Variants in CREG2 observed in about 807,000 individuals in gnomAD.
The protein encoded by CREG2 is protein CREG2.
A neutral mutation model predicts 26.2 loss-of-function variants in CREG2; 24 were observed. That is an observed-to-expected ratio of 0.92 (90% CI 0.66 to 1.29). The LOEUF (loss-of-function observed/expected upper bound fraction) is 1.29, where lower values mean the gene tolerates loss of function less well. CREG2 is among the 50% of genes most tolerant of loss of function. The pLI, the probability that CREG2 is intolerant of heterozygous loss-of-function variation, is 0.00. For missense variants in CREG2, 366 were observed against 398.6 expected, an observed-to-expected ratio of 0.92 and a Z score of 0.70; for synonymous variants, 174 against 169.2, an observed-to-expected ratio of 1.03 and a Z score of -0.22.
At chr2:101,355,137 G>A (rs966592667) in intron 3 of CREG2, 116 bp downstream of exon 3, 6 of 686,804 alleles carry the variant, frequency 8.7e-6, no homozygotes, top group Non-Finnish European at 1.3e-5. Flanking sequence ...TATTCCCACC[G>A]AAGGGCAGTG....
chr2:101,374,996 C>T (rs1298562066), intron 2 of CREG2, among the ~76,000 whole-genome samples: 2 of 152,194 alleles, frequency 1.3e-5, no homozygotes, highest in Non-Finnish European at 2.9e-5. Flanking sequence ...CCTGCTGACA[C>T]CCTCCCCTCA....
At chr2:101,362,398 C>T (rs982440175) in intron 2 of CREG2, among the ~76,000 whole-genome samples, 1 of 152,210 alleles carries the variant, frequency 6.6e-6, no homozygotes, top group Non-Finnish European at 1.5e-5. Flanking sequence ...TTAAATTTCA[C>T]AATTCTTTAA....
intron 2 of CREG2, among the ~76,000 whole-genome samples, chr2:101,357,919 G>T (rs912714677): frequency 6.7e-6 from 1 of 149,222 alleles, no homozygotes; most frequent in African/African-American, 2.5e-5. Flanking sequence ...GGAGCTTGCA[G>T]TGAGCCACGA....
intron 2 of CREG2, among the ~76,000 whole-genome samples, chr2:101,369,956 G>T (rs1207227584): frequency 6.6e-6 from 1 of 152,190 alleles, no homozygotes; most frequent in Non-Finnish European, 1.5e-5. Context: ...CTGCATCAGT[G>T]CTTTCTGAAA....
In CREG2 at chr2:101,387,192, G is replaced by C; in HGVS notation, c.266C>G (p.Ala89Gly). 1 of 1,354,566 alleles carries C rather than the reference G, an allele frequency of 7.4e-7. No individual in the cohort carries two copies. The highest frequency in any genetic ancestry group is 1.8e-5 in the South Asian group (1 of 54,510). The allele number at this position is 1,354,566 out of a possible 1,614,324, so 83.9% of individuals were successfully genotyped here. The change falls in exon 1 of 4, where the codon GCG (alanine) becomes GGG (glycine). Residue 89 changes from alanine to glycine, a missense_variant. Coordinates refer to ENST00000324768, the MANE Select transcript of CREG2 (RefSeq NM_153836.4). The surrounding 1 kb of genome is among the most constrained non-coding windows in gnomAD (Gnocchi z 4.7). The part of the protein sequence containing the change: ...HKEDAHLRPR[A>G]GAARARPPPA... The stretch of plus-strand genomic sequence containing the variant: ...GGGCGGCCTGGCCCGGGCGGCGCCC[G>C]CCCGGGGCCGCAGGTGCGCGTCCTC...
intron 2 of CREG2, among the ~76,000 whole-genome samples, chr2:101,363,266 G>A (rs1010670051): frequency 3.9e-5 from 6 of 152,098 alleles, no homozygotes; most frequent in Admixed American, 6.5e-5. Context: ...TGTATGCAGC[G>A]GAGTGGATTA....
At chr2:101,363,035 G>A (rs1684566737) in intron 2 of CREG2, among the ~76,000 whole-genome samples, 1 of 152,194 alleles carries the variant, frequency 6.6e-6, no homozygotes, top group Non-Finnish European at 1.5e-5. Context: ...GGCCTCTGCT[G>A]GGTGAAATGC....
chr2:101,351,030 A>T lies in CREG2; in HGVS notation c.766T>A (p.Phe256Ile), dbSNP rs1332667483. ...MRKWPRQYEW[F>I]FMKMRIEHIW... ...TGTTCTATCCTCATCTTCATAAAGA[A>T]CCATTCATATTGACGAGGCCACTTC... The change falls in exon 4 of 4, where the codon TTC becomes ATC. Residue 256 changes from phenylalanine to isoleucine, a missense_variant. By Grantham distance (21) the Phe-to-Ile change is conservative. This residue lies in a region of CREG2 where 174 missense variants were observed against 178.2 expected (regional missense o/e 0.98). Coordinates refer to ENST00000324768, the MANE Select transcript of CREG2 (RefSeq NM_153836.4). 1 of 1,614,076 alleles carries T rather than the reference A, an allele frequency of 6.2e-7. No homozygotes were observed.
At chr2:101,357,020 G>C (rs757970874) in intron 2 of CREG2, among the ~76,000 whole-genome samples, 2 of 152,118 alleles carry the variant, frequency 1.3e-5, no homozygotes, top group Non-Finnish European at 2.9e-5. Context: ...CTCCTGAGTA[G>C]TGGGGACTAC....
At chr2:101,373,927 C>A (rs562065880) in intron 2 of CREG2, among the ~76,000 whole-genome samples, 1 of 152,310 alleles carries the variant, frequency 6.6e-6, no homozygotes, top group East Asian at 1.9e-4. Flanking sequence ...AGGGCAGTGG[C>A]ACGATCGCTG....
chr2:101,366,036 T>C (rs1684612258), intron 2 of CREG2, among the ~76,000 whole-genome samples: 1 of 152,220 alleles, frequency 6.6e-6, no homozygotes, highest in East Asian at 1.9e-4. Context: ...CGTTATTCCA[T>C]CTTGTCTATG....
At chr2:101,371,024 G>A (rs1684698834) in intron 2 of CREG2, among the ~76,000 whole-genome samples, 3 of 152,088 alleles carry the variant, frequency 2.0e-5, no homozygotes, top group Admixed American at 2.0e-4. Flanking sequence ...TGCCATTTCT[G>A]CAGACACTGC....
Position 101,357,045 on chromosome 2 carries a change from C to T in CREG2, c.612-1679G>A, listed in dbSNP as rs910104704. Among the ~76,000 whole-genome samples the T allele has an allele frequency of 3.9e-5, 6 of 152,106 alleles. No individual in the cohort carries two copies. In the East Asian group the frequency reaches 5.8e-4, roughly 15 times the overall value. The stretch of plus-strand genomic sequence containing the variant: ...GTGGGGACTACAGGAATGCACCACA[C>T]GCCCGGCTAATTTTTGTAGTTTTAG... On this transcript the variant is annotated intron_variant, in intron 2 of 3. Coordinates refer to ENST00000324768, the MANE Select transcript of CREG2 (RefSeq NM_153836.4).
chr2:101,373,862 T>C (rs1684749429), intron 2 of CREG2, among the ~76,000 whole-genome samples: 1 of 152,118 alleles, frequency 6.6e-6, no homozygotes, highest in Non-Finnish European at 1.5e-5. Flanking sequence ...TAGACAGCTG[T>C]TTTATTTATT....
At chr2:101,367,492 G>A (rs901908566) in intron 2 of CREG2, among the ~76,000 whole-genome samples, 2 of 151,962 alleles carry the variant, frequency 1.3e-5, no homozygotes, top group African/African-American at 4.8e-5. Context: ...TACCAAAGAG[G>A]GCTGTAGCAT....
At chr2:101,355,438 T>G in intron 2 of CREG2, 72 bp from the exon 3 acceptor site, 1 of 941,840 alleles carries the variant, frequency 1.1e-6, no homozygotes, top group Non-Finnish European at 1.7e-6. Flanking sequence ...AACGATTTTA[T>G]AAACTTAAAA....
intron 2 of CREG2, among the ~76,000 whole-genome samples, chr2:101,357,418 A>T (rs1269364335): frequency 6.6e-6 from 1 of 152,144 alleles, no homozygotes; most frequent in Non-Finnish European, 1.5e-5. Flanking sequence ...GATTCTCCAA[A>T]TGTCATTTAG....
At chr2:101,363,440 T>C (rs139924294) in intron 2 of CREG2, among the ~76,000 whole-genome samples, 1,684 of 152,342 alleles carry the variant, frequency 0.011, 16 homozygotes, top group Admixed American at 0.021. Flanking sequence ...TTTTATGGGC[T>C]ACAATTTTGT....
Position 101,383,633 on chromosome 2 carries a change from G to A in CREG2, c.511C>T (p.Pro171Ser), listed in dbSNP as rs767953794. The change falls in exon 2 of 4, where the codon CCT becomes TCT. Residue 171 changes from proline to serine, a missense_variant. Physicochemically the swap from Pro to Ser is moderately conservative, Grantham distance 74. This residue lies in a region of CREG2 where 174 missense variants were observed against 178.2 expected (regional missense o/e 0.98). Transcript: ENST00000324768. ...TCCTTGGCTGTCATGTAGAAGAAAG[G>A]AATCCCAGTGCTATTGTTGAAGGGG... ...DGPFNNSTGIPFFYMTAKDPV... is the reference protein window; with the variant it reads ...DGPFNNSTGISFFYMTAKDPV... The A allele has an allele frequency of 6.2e-7, 1 of 1,614,138 alleles. No homozygotes were observed. Among genetic ancestry groups the A allele is most frequent in the African/African-American group, 1.3e-5 (1 of 75,048 alleles).
Sources: allele counts gnomAD v4.1 joint callset (sites outside exome capture counted in the v4.1 genomes callset), GRCh38; gene constraint gnomAD v4.1.1; regional missense constraint gnomAD v4.1.1; non-coding constraint Gnocchi (gnomAD v3.1); transcripts MANE v1.5; gene names NCBI Gene and HGNC (gene_info 2026-07-23, HGNC 2026-07-21).